The following DMC1 variants were observed in gnomAD, a reference collection of about 807,000 sequenced individuals.
DMC1 encodes the protein meiotic recombination protein DMC1 homolog.
In DMC1, 27 loss-of-function variants were observed where a neutral mutation model predicts 50.1. The observed-to-expected ratio is 0.54, with a 90% CI of 0.40 to 0.74. The LOEUF (loss-of-function observed/expected upper bound fraction) is 0.74. Ranked by LOEUF, DMC1 falls within the 30% of genes least tolerant of loss-of-function variation. DMC1 has a pLI of 0.00. For missense variants in DMC1, 295 were observed against 420.2 expected (o/e 0.70, Z 2.60); for synonymous variants, 148 against 136.1 (o/e 1.09, Z -0.61).
chr22:38,549,659 A>ATCTT (rs1284813576), intron 8 of DMC1: 1 of 359,512 alleles, frequency 2.8e-6, no homozygotes, highest in Non-Finnish European at 5.1e-6. Context: ...ATTAAGCAAC[A>ATCTT]TCTTTAGAGA....
chr22:38,552,665 CCA>C lies in DMC1; in HGVS notation c.420_421del (p.Val141AspfsTer19). Reference sequence around the variant, plus strand: ...TTGTTATTGTTGTTATATATCCTTACCACAGAGGGTATGAGAAAGCTGGGTTT... The same window carrying C: ...TTGTTATTGTTGTTATATATCCTTACCAGAGGGTATGAGAAAGCTGGGTTT... On this transcript the variant is annotated frameshift_variant and splice_region_variant, in exon 7 of 14. Transcript: ENST00000216024. LOFTEE classifies it high-confidence loss of function. 6.3e-7 allele frequency: 1 copy of C among 1,582,214 alleles called. No individual in the cohort carries two copies. Among genetic ancestry groups the C allele is most frequent in the Non-Finnish European group, 8.7e-7 (1 of 1,151,428 alleles).
intron 4 of DMC1, among the ~76,000 whole-genome samples, chr22:38,563,516 CTCTCTCTCTG>C (rs1045775496): frequency 2.6e-5 from 4 of 151,856 alleles, no homozygotes; most frequent in African/African-American, 9.7e-5. Context: ...TCTTTCTCTC[CTCTCTCTCTG>C]TCTCTCTCTC....
chr22:38,533,162 G>A (rs2090171734), intron 12 of DMC1, among the ~76,000 whole-genome samples: 1 of 151,870 alleles, frequency 6.6e-6, no homozygotes, highest in African/African-American at 2.4e-5. Context: ...GGAGGCTGAG[G>A]CAGATGGATC....
chr22:38,519,529 C>A lies in DMC1; in HGVS notation c.*491G>T. On this transcript the variant is annotated 3_prime_UTR_variant, in exon 14 of 14. Transcript: ENST00000216024. ...TCCTATAAACATTCCTCCCTTAAATCCTCTTGTGGAAAAACATCTAGCTAT... is the reference window on the plus strand; with the variant it reads ...TCCTATAAACATTCCTCCCTTAAATACTCTTGTGGAAAAACATCTAGCTAT... The A allele has an allele frequency of 6.1e-6, 1 of 163,632 alleles. No individual in the cohort carries two copies. The highest frequency in any genetic ancestry group is 1.6e-4 in the East Asian group (1 of 6,184). The allele number at this position is 163,632 out of a possible 1,614,324, so 10.1% of individuals were successfully genotyped here.
At chr22:38,524,478 G>T (rs1314425879) in intron 12 of DMC1, among the ~76,000 whole-genome samples, 1 of 151,786 alleles carries the variant, frequency 6.6e-6, no homozygotes, top group Non-Finnish European at 1.5e-5. Flanking sequence ...GAAAATAAGG[G>T]CTCTCAGGAG....
rs1408469052 is a variant in DMC1 at position 38,563,362 on chromosome 22, C to T, written c.244-993G>A. 2.6e-5 allele frequency among the ~76,000 whole-genome samples: 4 copies of T among 152,130 alleles called. No homozygotes were observed. In the East Asian group the frequency reaches 7.7e-4, roughly 29 times the overall value. On this transcript the variant is annotated intron_variant, in intron 4 of 13. Coordinates refer to ENST00000216024, the MANE Select transcript of DMC1 (RefSeq NM_007068.4). Reference sequence around the variant, plus strand: ...ACTGTGGTTCTTAAACTTTGGAGAACTTGGAGAATGGGGACAGCCAAGCCC... The same window carrying T: ...ACTGTGGTTCTTAAACTTTGGAGAATTTGGAGAATGGGGACAGCCAAGCCC...
At chr22:38,554,359 A>G (rs2145956441) in intron 6 of DMC1, among the ~76,000 whole-genome samples, 1 of 151,990 alleles carries the variant, frequency 6.6e-6, no homozygotes, top group Admixed American at 6.6e-5. Flanking sequence ...AAGCTCAGAA[A>G]CACCAATAAA....
intron 12 of DMC1, among the ~76,000 whole-genome samples, chr22:38,525,244 T>C (rs2090075513): frequency 1.3e-5 from 2 of 152,132 alleles, no homozygotes; most frequent in African/African-American, 4.8e-5. Flanking sequence ...GAGATGACAA[T>C]TTGGGACTCC....
intron 12 of DMC1, among the ~76,000 whole-genome samples, chr22:38,536,734 C>G (rs1280463606): frequency 6.6e-6 from 1 of 152,076 alleles, no homozygotes; most frequent in Admixed American, 6.6e-5. Flanking sequence ...CAAAGAGAAG[C>G]CCAAAGTACT....
chr22:38,554,728 A>G (rs1381296871), intron 6 of DMC1, among the ~76,000 whole-genome samples: 6 of 152,114 alleles, frequency 3.9e-5, no homozygotes, highest in Non-Finnish European at 7.4e-5. Flanking sequence ...TCTAGTCTCT[A>G]TGTTCATGGA....
At chr22:38,510,944 C>T in the DMC1 span, among the ~76,000 whole-genome samples, 1 of 152,212 alleles carries the variant, frequency 6.6e-6, no homozygotes, top group East Asian at 1.9e-4. Context: ...AACTGATACA[C>T]TCCTCAACCA....
At chr22:38,544,783 G>A (rs1257966242) in intron 8 of DMC1, among the ~76,000 whole-genome samples, 1 of 89,320 alleles carries the variant, frequency 1.1e-5, no homozygotes, top group African/African-American at 4.5e-5. Context: ...GTGCCACCAT[G>A]CCCGGCTAAT....
At chr22:38,554,216 T>A (rs995384770) in intron 6 of DMC1, among the ~76,000 whole-genome samples, 56 of 151,960 alleles carry the variant, frequency 3.7e-4, no homozygotes, top group African/African-American at 1.3e-3. Context: ...CTGAGGTCCT[T>A]AAAGGGGAGC....
intron 12 of DMC1, among the ~76,000 whole-genome samples, chr22:38,536,440 CTG>C (rs1157205891): frequency 6.6e-6 from 1 of 152,158 alleles, no homozygotes; most frequent in Non-Finnish European, 1.5e-5. Flanking sequence ...CTTTAGCTCT[CTG>C]TGTGTTTCTA....
intron 7 of DMC1, among the ~76,000 whole-genome samples, chr22:38,550,604 G>A (rs772726177): frequency 2.0e-4 from 30 of 147,172 alleles, no homozygotes; most frequent in Admixed American, 3.4e-4. Flanking sequence ...GAGCCACCGC[G>A]CCCAACCTAC....
chr22:38,521,583 A>ACAC (rs2090027052), intron 13 of DMC1, 25 bp downstream of exon 13: 2 of 1,399,188 alleles, frequency 1.4e-6, no homozygotes, highest in Non-Finnish European at 2.0e-6. Context: ...ACACACACAC[A>ACAC]CACACAAAAT....
chr22:38,566,189 G>T (rs1017136102), intron 4 of DMC1, among the ~76,000 whole-genome samples: 10 of 151,104 alleles, frequency 6.6e-5, no homozygotes, highest in African/African-American at 2.4e-4. Flanking sequence ...CAGGAGACTC[G>T]CTTGAACCCC....
At chr22:38,540,646 T>A (rs1463862265) in intron 8 of DMC1, among the ~76,000 whole-genome samples, 1 of 152,224 alleles carries the variant, frequency 6.6e-6, no homozygotes, top group African/African-American at 2.4e-5. Flanking sequence ...TTGCAATTAA[T>A]TTAAATTCCC....
intron 8 of DMC1, among the ~76,000 whole-genome samples, chr22:38,547,326 A>G (rs958193196): frequency 6.6e-5 from 10 of 151,984 alleles, no homozygotes; most frequent in African/African-American, 2.4e-4. Flanking sequence ...ATATGTGCAA[A>G]TTTTGATAAC....
Sources: gnomAD v4.1 joint callset for allele counts (sites outside exome capture counted in the v4.1 genomes callset) on GRCh38, gnomAD v4.1.1 for gene constraint, MANE v1.5 for transcripts, NCBI Gene and HGNC (gene_info 2026-07-23, HGNC 2026-07-21) for gene names.